The following KIAA0513 variants were observed in gnomAD, a reference collection of about 807,000 sequenced individuals.
KIAA0513 encodes the protein uncharacterized protein KIAA0513.
In KIAA0513, 39 loss-of-function variants were observed where a neutral mutation model predicts 56.5. The observed-to-expected ratio is 0.69, with a 90% CI of 0.53 to 0.90. The LOEUF is 0.90. Among genes scored for constraint, KIAA0513 ranks in the 40% least tolerant of loss-of-function variants. The pLI is 0.00. For missense variants in KIAA0513, 591 were observed against 535.2 expected, an observed-to-expected ratio of 1.10 and a Z score of -1.03; for synonymous variants, 268 against 215.6, an observed-to-expected ratio of 1.24 and a Z score of -2.13.
intron 1 of KIAA0513, among the ~76,000 whole-genome samples, chr16:85,056,027 T>G (rs1288695604): frequency 6.6e-6 from 1 of 152,254 alleles, no homozygotes; most frequent in African/African-American, 2.4e-5. Context: ...CTCTGCACTC[T>G]AAATGGTTCT....
chr16:85,082,592 AG>A lies in KIAA0513; in HGVS notation c.1010+1del. 1 of 1,614,028 alleles carries A rather than the reference AG, an allele frequency of 6.2e-7. No homozygotes were observed. The highest frequency in any genetic ancestry group is 8.5e-7 in the Non-Finnish European group (1 of 1,179,974). ...RGDAGEEEEK[R>X]EKWCHMTQEE... ...GGATGCTGGAGAGGAGGAGGAGAAG[AG>A]GTGTGTGTGTCCACGTGACTTTGTT... On this transcript the variant is annotated frameshift_variant and splice_region_variant, in exon 10 of 13. Coordinates refer to ENST00000683363, the MANE Select transcript of KIAA0513 (RefSeq NM_001388359.1). LOFTEE classifies it high-confidence loss of function.
chr16:85,052,878 A>AATTTTT (rs1240146992), intron 1 of KIAA0513, among the ~76,000 whole-genome samples: 1 of 151,946 alleles, frequency 6.6e-6, no homozygotes, highest in African/African-American at 2.4e-5. Context: ...CTTCGGATCA[A>AATTTTT]ATTTTTATTT....
chr16:85,068,252 G>A (rs918686276), intron 2 of KIAA0513, among the ~76,000 whole-genome samples: 15 of 151,684 alleles, frequency 9.9e-5, no homozygotes, highest in Non-Finnish European at 1.8e-4. Flanking sequence ...CACCTCCTGA[G>A]TTCAAACAAT....
intron 8 of KIAA0513, among the ~76,000 whole-genome samples, chr16:85,080,335 CTCTG>C (rs1163366091): frequency 6.6e-6 from 1 of 152,216 alleles, no homozygotes; most frequent in African/African-American, 2.4e-5. Flanking sequence ...GCCAGATGGT[CTCTG>C]CTGCAGCCAC....
chr16:85,047,093 C>T (rs2143897520), intron 1 of KIAA0513, among the ~76,000 whole-genome samples: 1 of 152,322 alleles, frequency 6.6e-6, no homozygotes, highest in South Asian at 2.1e-4. Context: ...TTGTGGCAGG[C>T]ACTCCACCAG....
Position 85,081,925 on chromosome 16 carries a change from A to T in KIAA0513, c.980+533A>T, listed in dbSNP as rs1346678695. 1.3e-5 allele frequency among the ~76,000 whole-genome samples: 2 copies of T among 152,192 alleles called. No homozygotes were observed. The highest frequency in any genetic ancestry group is 4.8e-5 in the African/African-American group (2 of 41,436). On this transcript the variant is annotated intron_variant, in intron 9 of 12. Transcript: ENST00000683363. This position sits in a 1 kb window ranked among gnomAD's most constrained non-coding sequence, Gnocchi z 4.4. Reference sequence around the variant, plus strand: ...GCTGGCACCCACCCCACGGGGGCCGATGCCATAGCAAGCAAAGCTGCCGTC... The same window carrying T: ...GCTGGCACCCACCCCACGGGGGCCGTTGCCATAGCAAGCAAAGCTGCCGTC...
In KIAA0513 at chr16:85,086,640, G is replaced by A. The variant is rs745610055; in HGVS notation, c.1011-4G>A. The stretch of plus-strand genomic sequence containing the variant: ...CCCGCTTCTGTCACCTCCTGTGCTT[G>A]CAGGGAGAAGTGGTGCCACATGACC... On this transcript the variant is annotated splice_polypyrimidine_tract_variant and splice_region_variant and intron_variant, in intron 10 of 12. Transcript: ENST00000683363. 3 of 1,613,620 alleles carry A rather than the reference G, an allele frequency of 1.9e-6. No individual in the cohort carries two copies. Among genetic ancestry groups the A allele is most frequent in the South Asian group, 2.2e-5 (2 of 91,038 alleles).
chr16:85,053,364 A>C (rs768822427), intron 1 of KIAA0513, among the ~76,000 whole-genome samples: 1 of 152,232 alleles, frequency 6.6e-6, no homozygotes, highest in Admixed American at 6.5e-5. Context: ...CAGCCTGCCA[A>C]AATCCTTTTG....
At chr16:85,034,350 A>G (rs980076117) in intron 1 of KIAA0513, among the ~76,000 whole-genome samples, 1 of 152,204 alleles carries the variant, frequency 6.6e-6, no homozygotes, top group African/African-American at 2.4e-5. Context: ...ATTGAACTCC[A>G]GTCTGGGCGA....
chr16:85,082,451 C>A, intron 9 of KIAA0513, 113 bp from the exon 10 acceptor site: 2 of 988,300 alleles, frequency 2.0e-6, no homozygotes, highest in Non-Finnish European at 3.2e-6. Flanking sequence ...TTCTCTGTCC[C>A]GCTCCGTTTC....
Position 85,071,796 on chromosome 16 carries a change from C to G in KIAA0513, c.343C>G (p.Gln115Glu). Reference sequence around the variant, plus strand: ...TTTTTTTTTTAGGGAGGACTTGGATCAGGAGGAGAAAGCCAAGTTTGGAGA... The same window carrying G: ...TTTTTTTTTTAGGGAGGACTTGGATGAGGAGGAGAAAGCCAAGTTTGGAGA... ...KIFSGGEDLD[Q>E]EEKAKFGEYC... The change falls in exon 3 of 13, where the codon CAG (glutamine) becomes GAG (glutamate). Residue 115 changes from glutamine to glutamate, a missense_variant. By Grantham distance (29) the Gln-to-Glu change is conservative. Transcript: ENST00000683363. The G allele has an allele frequency of 6.7e-6, 10 of 1,497,832 alleles. No homozygotes were observed. The highest frequency in any genetic ancestry group is 9.0e-6 in the Non-Finnish European group (10 of 1,107,084). 92.8% of individuals were successfully genotyped at this position (1,497,832 alleles called of 1,614,324 possible).
chr16:85,061,486 T>C (rs1205609622), intron 1 of KIAA0513, among the ~76,000 whole-genome samples: 1 of 152,152 alleles, frequency 6.6e-6, no homozygotes, highest in East Asian at 1.9e-4. Flanking sequence ...GCGTGTGATG[T>C]GTGTGTGTTG....
At chr16:85,088,187 G>A (rs1471613906) in intron 12 of KIAA0513, 89 bp from the exon 13 acceptor site, 12 of 1,252,170 alleles carry the variant, frequency 9.6e-6, no homozygotes, top group Admixed American at 1.7e-5. Flanking sequence ...AGGGAGGCCC[G>A]ATTCGTCCCT....
chr16:85,044,859 C>CT (rs1320705509), intron 1 of KIAA0513, among the ~76,000 whole-genome samples: 3 of 151,982 alleles, frequency 2.0e-5, no homozygotes, highest in African/African-American at 7.2e-5. Context: ...TGGCTCACAC[C>CT]TGTAATCCCA....
At chr16:85,049,145 G>A (rs943944987) in intron 1 of KIAA0513, among the ~76,000 whole-genome samples, 4 of 152,244 alleles carry the variant, frequency 2.6e-5, no homozygotes, top group African/African-American at 7.2e-5. Context: ...ATTGCAGAGC[G>A]CCTTGGGCCC....
chr16:85,088,152 G>A lies in KIAA0513; in HGVS notation c.1187-124G>A, dbSNP rs372820702. 1.3e-4 allele frequency: 107 copies of A among 838,822 alleles called. 3 individuals are homozygous for A. The highest frequency in any genetic ancestry group is 5.9e-4 in the East Asian group (24 of 40,778). 52.0% of individuals were successfully genotyped at this position (838,822 alleles called of 1,614,324 possible). On this transcript the variant is annotated intron_variant, in intron 12 of 12. Coordinates refer to ENST00000683363, the MANE Select transcript of KIAA0513 (RefSeq NM_001388359.1). ...CGTGTGGCCTGCAGAAGGCAGTGTG[G>A]TTCAGGAGCTGCAGCCCTGCTCCCA...
chr16:85,071,889 G>T lies in KIAA0513; in HGVS notation c.429+7G>T, dbSNP rs780184266. ...TCGATACGTGAGTGCCCAGGTAAGG[G>T]CGAGGTGATGGGAAGGATGGGCGTT... On this transcript the variant is annotated splice_region_variant and intron_variant, in intron 3 of 12. Coordinates refer to ENST00000683363, the MANE Select transcript of KIAA0513 (RefSeq NM_001388359.1). 3.8e-6 allele frequency: 6 copies of T among 1,572,332 alleles called. No homozygotes were observed. The highest frequency in any genetic ancestry group is 2.6e-6 in the Non-Finnish European group (3 of 1,144,120).
At chr16:85,054,710 A>G (rs1399205245) in intron 1 of KIAA0513, among the ~76,000 whole-genome samples, 2 of 152,120 alleles carry the variant, frequency 1.3e-5, no homozygotes, top group Non-Finnish European at 2.9e-5. Context: ...GATTACAGGC[A>G]TGAGCCACCA....
chr16:85,084,902 CCT>C (rs2073791344), intron 10 of KIAA0513, among the ~76,000 whole-genome samples: 1 of 152,214 alleles, frequency 6.6e-6, no homozygotes, highest in Admixed American at 6.5e-5. Flanking sequence ...GTGGGCATTA[CCT>C]GATCTGCTAC....
Sources: allele counts gnomAD v4.1 joint callset (sites outside exome capture counted in the v4.1 genomes callset), GRCh38; gene constraint gnomAD v4.1.1; non-coding constraint Gnocchi (gnomAD v3.1); transcripts MANE v1.5; gene names NCBI Gene and HGNC (gene_info 2026-07-23, HGNC 2026-07-21).